The following RAB3IL1 variants were observed in gnomAD, a reference collection of about 807,000 sequenced individuals.
RAB3IL1 encodes RAB3A interacting protein like 1, also known as guanine nucleotide exchange factor for Rab-3A.
A neutral mutation model predicts 49.2 loss-of-function variants in RAB3IL1; 37 were observed. The observed-to-expected ratio is 0.75, with a 90% confidence interval of 0.58 to 0.99. RAB3IL1 has a LOEUF of 0.99. RAB3IL1 is among the 50% of genes least tolerant of loss of function. The pLI is 0.00. For missense variants in RAB3IL1, 484 were observed against 513.0 expected (o/e 0.94, Z 0.55); for synonymous variants, 193 against 213.9 (o/e 0.90, Z 0.85).
At chr11:61,907,493 G>C (rs374525963) in intron 3 of RAB3IL1, 23 bp from the exon 4 acceptor site, 1 of 1,614,062 alleles carries the variant, frequency 6.2e-7, no homozygotes, top group East Asian at 2.2e-5. Flanking sequence ...CAGTCCCTGC[G>C]TGAGTGGTGA....
chr11:61,921,313 G>A (rs946402005), upstream of RAB3IL1, among the ~76,000 whole-genome samples: 1 of 152,166 alleles, frequency 6.6e-6, no homozygotes, highest in Non-Finnish European at 1.5e-5. Flanking sequence ...CTTTCAGACG[G>A]TGTGCCTTTG....
chr11:61,904,434 T>C lies in RAB3IL1; in HGVS notation c.899+112A>G, dbSNP rs1439272031. Reference sequence around the variant, plus strand: ...CTCCTTGCCCTGTGGGGGCAGCAACTGTCCCTGTCCTGTCGGCGCTGCTGC... The same window carrying C: ...CTCCTTGCCCTGTGGGGGCAGCAACCGTCCCTGTCCTGTCGGCGCTGCTGC... On this transcript the variant is annotated intron_variant, in intron 7 of 9. Transcript: ENST00000394836. 2.7e-5 allele frequency: 29 copies of C among 1,075,622 alleles called. No individual in the cohort carries two copies. The East Asian group carries it at 7.0e-4, about 26-fold the overall frequency. The allele number at this position is 1,075,622 out of a possible 1,614,324, so 66.6% of individuals were successfully genotyped here. A position where few individuals can be genotyped will look rare whatever the true frequency, so the allele number is the denominator to read the frequency against.
At chr11:61,928,581 C>T in the RAB3IL1 span, among the ~76,000 whole-genome samples, 5 of 149,832 alleles carry the variant, frequency 3.3e-5, no homozygotes, top group African/African-American at 7.4e-5. Flanking sequence ...CTACATGAAG[C>T]GAGGACCCTC....
In RAB3IL1 at chr11:61,899,378, G is replaced by A; in HGVS notation, c.1002C>T (p.Ile334=). The A allele has an allele frequency of 1.2e-6, 2 of 1,608,990 alleles. No individual in the cohort carries two copies. Among genetic ancestry groups the A allele is most frequent in the Non-Finnish European group, 1.7e-6 (2 of 1,179,596 alleles). The part of the protein sequence containing the change: ...YYISPSSRAR[I]TAVCNFFTYI... ...AGGTGAAGAAGTTGCACACTGCGGT[G>A]ATCTGTGGGCAGAGGTGGGGACGGT... The change falls in exon 9 of 10, where the codon ATC becomes ATT. Residue 334 remains isoleucine (I), a splice_region_variant and synonymous_variant. Transcript: ENST00000394836.
chr11:61,937,220 A>G, the RAB3IL1 span, among the ~76,000 whole-genome samples: 1 of 152,236 alleles, frequency 6.6e-6, no homozygotes, highest in Non-Finnish European at 1.5e-5. Flanking sequence ...GGATGAAGCT[A>G]TAGAGGTTCA....
upstream of RAB3IL1, among the ~76,000 whole-genome samples, chr11:61,920,543 C>T (rs117518711): frequency 7.0e-3 from 1,061 of 152,362 alleles, 7 homozygotes; most frequent in Middle Eastern, 0.024. Context: ...CCCGTCCAGC[C>T]TTGATCCTGT....
In RAB3IL1 at chr11:61,906,508, G is replaced by A. The variant is rs745928072; in HGVS notation, c.615C>T (p.Pro205=). 6.4e-6 allele frequency: 10 copies of A among 1,552,288 alleles called. No homozygotes were observed. The highest frequency in any genetic ancestry group is 4.4e-4 in the Middle Eastern group (2 of 4,552). The change falls in exon 5 of 10, where the codon CCC becomes CCT. Residue 205 remains proline, a synonymous_variant. Coordinates refer to ENST00000394836, the MANE Select transcript of RAB3IL1 (RefSeq NM_013401.4). The surrounding 1 kb of genome is among the most constrained non-coding windows in gnomAD (Gnocchi z 4.6). ...TSSTLCPAVC[P]AAGHTLTPDR... is the part of the protein sequence containing the mutation. The stretch of plus-strand genomic sequence containing the variant: ...CTGGGGTGAGGGTGTGTCCCGCAGC[G>A]GGACACACGGCGGGGCAGAGGGTGC...
intron 1 of RAB3IL1, among the ~76,000 whole-genome samples, chr11:61,916,884 T>G (rs746357718): frequency 2.0e-5 from 3 of 151,796 alleles, no homozygotes; most frequent in Non-Finnish European, 4.4e-5. Flanking sequence ...CCTCCGTACT[T>G]CCAGAGCCCC....
chr11:61,915,060 C>A (rs976933685), intron 1 of RAB3IL1, among the ~76,000 whole-genome samples: 1 of 152,140 alleles, frequency 6.6e-6, no homozygotes, highest in Admixed American at 6.5e-5. Flanking sequence ...AAATGGGGGG[C>A]CATAAAAATA....
At chr11:61,931,639 G>GGAGGAGGAGGAGAAGGAAGGC in the RAB3IL1 span, among the ~76,000 whole-genome samples, 1 of 151,928 alleles carries the variant, frequency 6.6e-6, no homozygotes. Flanking sequence ...GAGGTGAAGA[G>GGAGGAGGAGGAGAAGGAAGGC]GAGGAGGAGG....
chr11:61,916,760 G>C (rs1246953969), intron 1 of RAB3IL1, among the ~76,000 whole-genome samples: 1 of 152,176 alleles, frequency 6.6e-6, no homozygotes, highest in Non-Finnish European at 1.5e-5. Context: ...GAGAACCAGT[G>C]GCCTGAACAG....
chr11:61,912,442 C>T (rs796306139), intron 1 of RAB3IL1, among the ~76,000 whole-genome samples: 1 of 152,222 alleles, frequency 6.6e-6, no homozygotes, highest in Non-Finnish European at 1.5e-5. Context: ...CCCTAGAGAG[C>T]GGCCAAGTCT....
chr11:61,904,978 G>A, intron 5 of RAB3IL1, 96 bp from the exon 6 acceptor site: 1 of 943,268 alleles, frequency 1.1e-6, no homozygotes, highest in Non-Finnish European at 1.6e-6. Context: ...GGAGGACGTG[G>A]GGCAGGCCCA....
intron 8 of RAB3IL1, among the ~76,000 whole-genome samples, chr11:61,900,051 A>G (rs2136017524): frequency 6.6e-6 from 1 of 152,276 alleles, no homozygotes; most frequent in Non-Finnish European, 1.5e-5. Flanking sequence ...GAGTGGGGGC[A>G]CTAATGGCTC....
upstream of RAB3IL1, among the ~76,000 whole-genome samples, chr11:61,918,961 A>G (rs748059387): frequency 2.0e-5 from 3 of 151,296 alleles, no homozygotes; most frequent in Non-Finnish European, 4.4e-5. Context: ...CCCCTACCCC[A>G]CCCCCAGCCC....
rs374525963 is a variant in RAB3IL1, at chr11:61,907,493, G to A, written c.361-23C>T. 80 of 1,614,062 alleles carry A rather than the reference G, an allele frequency of 5.0e-5. No individual in the cohort carries two copies. The African/African-American group carries it at 5.9e-4, about 12-fold the overall frequency. On this transcript the variant is annotated intron_variant, in intron 3 of 9. Transcript: ENST00000394836. ...TTCCTAGGAAGAAGGCAGTCCCTGC[G>A]TGAGTGGTGAGGAGCCAACGGACGC...
the RAB3IL1 span, among the ~76,000 whole-genome samples, chr11:61,937,415 T>C: frequency 6.6e-6 from 1 of 152,128 alleles, no homozygotes; most frequent in East Asian, 1.9e-4. Flanking sequence ...CAAGTGATCA[T>C]CCCACCTCAG....
At chr11:61,924,181 C>T (rs543906731), upstream of RAB3IL1, among the ~76,000 whole-genome samples, 15 of 152,290 alleles carry the variant, frequency 9.8e-5, no homozygotes, top group African/African-American at 3.1e-4. Flanking sequence ...GCACTTGTCC[C>T]AGGTGGTACA....
chr11:61,914,835 C>T (rs1010456272), intron 1 of RAB3IL1, among the ~76,000 whole-genome samples: 2 of 152,206 alleles, frequency 1.3e-5, no homozygotes, highest in Non-Finnish European at 2.9e-5. Context: ...GGGTCACCAA[C>T]TCCTAATCCC....
Sources: allele counts gnomAD v4.1 joint callset (sites outside exome capture counted in the v4.1 genomes callset), GRCh38; gene constraint gnomAD v4.1.1; non-coding constraint Gnocchi (gnomAD v3.1); transcripts MANE v1.5; gene names NCBI Gene and HGNC (gene_info 2026-07-23, HGNC 2026-07-21).